The following PRR16 variants were observed in gnomAD, a reference collection of about 807,000 sequenced individuals.
PRR16 encodes proline rich 16, also known as protein Largen.
In PRR16, 6 loss-of-function variants were observed where a neutral mutation model predicts 18.2. The observed-to-expected ratio is 0.33, with a 90% CI of 0.18 to 0.65. The LOEUF (loss-of-function observed/expected upper bound fraction) is 0.65, where lower values mean the gene tolerates loss of function less well. Among genes scored for constraint, PRR16 ranks in the 30% least tolerant of loss-of-function variants. The pLI is 0.74. For synonymous variants in PRR16, 151 were observed against 147.8 expected, an observed-to-expected ratio of 1.02 and a Z score of -0.16; for missense variants, 412 against 376.6, an observed-to-expected ratio of 1.09 and a Z score of -0.78.
chr5:120,603,756 C>A (rs1006237941), intron 1 of PRR16, among the ~76,000 whole-genome samples: 16 of 151,968 alleles, frequency 1.1e-4, no homozygotes, highest in African/African-American at 3.6e-4. Flanking sequence ...TATGTTGCAT[C>A]TTTGTTTTAA....
chr5:120,510,003 T>G (rs1235403902), intron 1 of PRR16, among the ~76,000 whole-genome samples: 1 of 152,184 alleles, frequency 6.6e-6, no homozygotes, highest in Non-Finnish European at 1.5e-5. Flanking sequence ...TTTGGACTAG[T>G]GCATAAGTGA....
intron 1 of PRR16, among the ~76,000 whole-genome samples, chr5:120,658,825 A>G (rs916661018): frequency 1.3e-5 from 2 of 151,966 alleles, no homozygotes; most frequent in Non-Finnish European, 2.9e-5. Context: ...ATCCAGAAAT[A>G]TAGTCTGAAA....
the PRR16 span, among the ~76,000 whole-genome samples, chr5:120,711,788 A>AC: frequency 4.6e-5 from 7 of 152,124 alleles, no homozygotes; most frequent in African/African-American, 1.7e-4. Flanking sequence ...GCCAAGAATG[A>AC]CCTTCTTTTC....
chr5:120,490,191 G>T (rs543080208), intron 1 of PRR16, among the ~76,000 whole-genome samples: 3 of 152,208 alleles, frequency 2.0e-5, no homozygotes, highest in South Asian at 4.1e-4. Flanking sequence ...GAATCTGAAC[G>T]TTGGCCTGCC....
chr5:120,777,233 C>T, the PRR16 span, among the ~76,000 whole-genome samples: 2 of 151,930 alleles, frequency 1.3e-5, no homozygotes, highest in Non-Finnish European at 2.9e-5. Flanking sequence ...TTTTATTGTT[C>T]AATATATTTA....
At chr5:120,550,208 A>G (rs1045673752) in intron 1 of PRR16, among the ~76,000 whole-genome samples, 1 of 152,124 alleles carries the variant, frequency 6.6e-6, no homozygotes, top group Non-Finnish European at 1.5e-5. Context: ...CTTAATAACC[A>G]CTCTAAATAT....
the PRR16 span, among the ~76,000 whole-genome samples, chr5:120,715,414 T>A: frequency 6.6e-6 from 1 of 152,220 alleles, no homozygotes; most frequent in East Asian, 1.9e-4. Flanking sequence ...ATTCTATTTA[T>A]GGCTTAACTG....
chr5:120,595,779 C>A (rs1276731409), intron 1 of PRR16, among the ~76,000 whole-genome samples: 1 of 151,936 alleles, frequency 6.6e-6, no homozygotes, highest in African/African-American at 2.4e-5. Flanking sequence ...ATTTAGTACA[C>A]ACCTTTTTCA....
intron 1 of PRR16, among the ~76,000 whole-genome samples, chr5:120,490,790 A>G (rs955106950): frequency 1.6e-4 from 25 of 152,098 alleles, no homozygotes; most frequent in Admixed American, 7.9e-4. Flanking sequence ...GCTTTTACCT[A>G]CCTTTGGTCT....
chr5:120,655,730 T>TG (rs1755948504), intron 1 of PRR16, among the ~76,000 whole-genome samples: 3 of 93,610 alleles, frequency 3.2e-5, no homozygotes, highest in South Asian at 6.8e-4. Flanking sequence ...ATTGACTTTT[T>TG]TTTTTTGTTT....
At chr5:120,494,462 T>C (rs571281276) in intron 1 of PRR16, among the ~76,000 whole-genome samples, 1 of 152,084 alleles carries the variant, frequency 6.6e-6, no homozygotes, top group South Asian at 2.1e-4. Flanking sequence ...TAAAATTTGG[T>C]TTTTCTTTTT....
downstream of PRR16, among the ~76,000 whole-genome samples, chr5:120,689,988 T>C (rs1372342022): frequency 6.6e-6 from 1 of 152,120 alleles, no homozygotes; most frequent in South Asian, 2.1e-4. Context: ...TTTTCACTCT[T>C]CTGATTTGAC....
chr5:120,668,470 G>T (rs1756474490), intron 1 of PRR16, among the ~76,000 whole-genome samples: 1 of 151,344 alleles, frequency 6.6e-6, no homozygotes, highest in Non-Finnish European at 1.5e-5. Context: ...AGTTAATATT[G>T]TTATGTGTGA....
chr5:120,556,255 A>G (rs1240516626), intron 1 of PRR16, among the ~76,000 whole-genome samples: 21 of 36,346 alleles, frequency 5.8e-4, no homozygotes, highest in African/African-American at 2.4e-3. Context: ...TTTTTTTTGT[A>G]CCATGCTATC....
chr5:120,722,885 A>G, the PRR16 span, among the ~76,000 whole-genome samples: 1 of 151,536 alleles, frequency 6.6e-6, no homozygotes, highest in Non-Finnish European at 1.5e-5. Flanking sequence ...ACAGACAGAC[A>G]TATATATAAT....
At chr5:120,495,003 T>C (rs1750196196) in intron 1 of PRR16, among the ~76,000 whole-genome samples, 1 of 152,134 alleles carries the variant, frequency 6.6e-6, no homozygotes, top group South Asian at 2.1e-4. Context: ...ACGTAAGTCT[T>C]GAAACTGTAT....
chr5:120,569,761 A>G (rs751589209), intron 1 of PRR16, among the ~76,000 whole-genome samples: 1 of 152,102 alleles, frequency 6.6e-6, no homozygotes, highest in Non-Finnish European at 1.5e-5. Flanking sequence ...GTGGGTGACA[A>G]TTTGCCAGTC....
the PRR16 span, among the ~76,000 whole-genome samples, chr5:120,764,465 T>C: frequency 6.6e-5 from 10 of 152,048 alleles, no homozygotes; most frequent in Non-Finnish European, 1.2e-4. Flanking sequence ...TTTGCTAGTA[T>C]TTTGTTGAAG....
the PRR16 span, among the ~76,000 whole-genome samples, chr5:120,786,168 C>CTGTT: frequency 6.7e-6 from 1 of 149,120 alleles, no homozygotes; most frequent in Admixed American, 6.7e-5. Flanking sequence ...AAAATCTTGT[C>CTGTT]TGTTTGGTAA....
Sources: allele counts gnomAD v4.1 joint callset (sites outside exome capture counted in the v4.1 genomes callset), GRCh38; gene constraint gnomAD v4.1.1; transcripts MANE v1.5; gene names NCBI Gene and HGNC (gene_info 2026-07-23, HGNC 2026-07-21).